ZFAND3: variants seen among roughly 807,000 people sequenced by gnomAD.
ZFAND3 encodes the protein zinc finger AN1-type containing 3.
ZFAND3 carries 10 observed loss-of-function variants against 29.6 expected under a neutral mutation model. The observed-to-expected ratio is 0.34, with a 90% CI of 0.21 to 0.57. The LOEUF (loss-of-function observed/expected upper bound fraction) is 0.57, where lower values mean the gene tolerates loss of function less well. Among genes scored for constraint, ZFAND3 ranks in the 20% least tolerant of loss-of-function variants. The pLI, the probability that ZFAND3 is intolerant of heterozygous loss-of-function variation, is 0.86. For synonymous variants in ZFAND3, 128 were observed against 112.6 expected (o/e 1.14, Z -0.87); for missense variants, 230 against 304.5 (o/e 0.76, Z 1.82).
intron 1 of ZFAND3, among the ~76,000 whole-genome samples, chr6:37,865,397 G>A (rs1316528180): frequency 6.6e-6 from 1 of 152,124 alleles, no homozygotes; most frequent in Non-Finnish European, 1.5e-5. Flanking sequence ...TCAATCTACA[G>A]TTGGTTGAAT....
intron 5 of ZFAND3, among the ~76,000 whole-genome samples, chr6:38,145,592 A>G (rs1360802299): frequency 6.6e-6 from 1 of 152,228 alleles, no homozygotes; most frequent in African/African-American, 2.4e-5. Flanking sequence ...TAAAAGCTAT[A>G]GGGTCATGTT....
intron 1 of ZFAND3, among the ~76,000 whole-genome samples, chr6:37,924,313 T>C (rs1398582512): frequency 2.4e-5 from 1 of 41,146 alleles, no homozygotes; most frequent in Non-Finnish European, 7.3e-5. Flanking sequence ...ACTTAAGTGC[T>C]TTTTTTTTTT....
rs1763628186 is a variant in ZFAND3, at chr6:37,819,921, CCGA to C, written c.-24_-22del. The C allele has an allele frequency of 2.5e-6, 3 of 1,206,460 alleles. No individual in the cohort carries two copies. Among genetic ancestry groups the C allele is most frequent in the Non-Finnish European group, 3.1e-6 (3 of 973,196 alleles). The allele number at this position is 1,206,460 out of a possible 1,614,324, so 74.7% of individuals were successfully genotyped here. ...CCAGCCGCCGCCACCGCTGCCGCCG[CCGA>C]GCTCCGCCGCCGCCGAGCACCATGG... On this transcript the variant is annotated 5_prime_UTR_variant, in exon 1 of 6. Coordinates refer to ENST00000287218, the MANE Select transcript of ZFAND3 (RefSeq NM_021943.3).
At chr6:37,995,864 C>T (rs1762840592) in intron 2 of ZFAND3, among the ~76,000 whole-genome samples, 1 of 152,086 alleles carries the variant, frequency 6.6e-6, no homozygotes, top group African/African-American at 2.4e-5. Context: ...CTGTGGCTCA[C>T]ACCTGTCATC....
At chr6:38,005,565 G>A (rs906871691) in intron 2 of ZFAND3, among the ~76,000 whole-genome samples, 3 of 152,136 alleles carry the variant, frequency 2.0e-5, no homozygotes, top group Non-Finnish European at 2.9e-5. Flanking sequence ...TTCCCTCTCT[G>A]TTTTGAGCAC....
intron 1 of ZFAND3, among the ~76,000 whole-genome samples, chr6:37,820,453 C>T (rs189753819): frequency 4.7e-4 from 71 of 152,316 alleles, no homozygotes; most frequent in Admixed American, 2.7e-3. Flanking sequence ...TCTTCACCTC[C>T]CCTCCTCCCC....
intron 2 of ZFAND3, among the ~76,000 whole-genome samples, chr6:38,052,661 T>C (rs1278433288): frequency 2.6e-5 from 4 of 152,150 alleles, no homozygotes; most frequent in Non-Finnish European, 5.9e-5. Context: ...GTAGTGCTTA[T>C]ATTAAGAGTT....
At chr6:38,102,147 ATCT>A (rs1050694751) in intron 4 of ZFAND3, among the ~76,000 whole-genome samples, 12 of 147,978 alleles carry the variant, frequency 8.1e-5, no homozygotes, top group South Asian at 4.3e-4. Context: ...CTCCTCCTTC[ATCT>A]TCTTCTTCTT....
chr6:38,056,550 G>A (rs1764137842), intron 2 of ZFAND3, among the ~76,000 whole-genome samples: 1 of 152,182 alleles, frequency 6.6e-6, no homozygotes, highest in African/African-American at 2.4e-5. Flanking sequence ...GCTAGATAGG[G>A]TGTAGTTCTA....
intron 1 of ZFAND3, among the ~76,000 whole-genome samples, chr6:37,910,168 C>CA (rs1765494115): frequency 6.6e-6 from 1 of 152,180 alleles, no homozygotes; most frequent in African/African-American, 2.4e-5. Context: ...TCCTGGGCTG[C>CA]AACCCTTATT....
intron 2 of ZFAND3, among the ~76,000 whole-genome samples, chr6:38,038,299 A>G (rs574333254): frequency 6.6e-6 from 1 of 152,176 alleles, no homozygotes; most frequent in African/African-American, 2.4e-5. Flanking sequence ...AAAGGCAGAG[A>G]TGATGGATGC....
At chr6:38,065,003 G>C (rs943511657) in intron 3 of ZFAND3, among the ~76,000 whole-genome samples, 10 of 152,136 alleles carry the variant, frequency 6.6e-5, no homozygotes, top group Non-Finnish European at 1.3e-4. Context: ...TGTTAAGTGA[G>C]GTTGCCAAGA....
chr6:37,863,334 C>T (rs1764528072), intron 1 of ZFAND3, among the ~76,000 whole-genome samples: 1 of 152,214 alleles, frequency 6.6e-6, no homozygotes, highest in African/African-American at 2.4e-5. Context: ...AATTGCCAGA[C>T]TGTCTCATTA....
At chr6:38,037,437 A>G (rs1763680409) in intron 2 of ZFAND3, among the ~76,000 whole-genome samples, 1 of 152,260 alleles carries the variant, frequency 6.6e-6, no homozygotes, top group Non-Finnish European at 1.5e-5. Flanking sequence ...TTTAACAAGC[A>G]TTATAATCAC....
intron 1 of ZFAND3, among the ~76,000 whole-genome samples, chr6:37,899,197 G>A (rs559446985): frequency 1.2e-3 from 180 of 152,274 alleles, no homozygotes; most frequent in Non-Finnish European, 2.1e-3. Flanking sequence ...ACCACACCTG[G>A]CCATTCGTTT....
At chr6:37,978,812 C>T (rs747213336) in intron 2 of ZFAND3, among the ~76,000 whole-genome samples, 41 of 152,166 alleles carry the variant, frequency 2.7e-4, no homozygotes, top group African/African-American at 6.5e-4. Flanking sequence ...TTACAGGCGC[C>T]GGCCACCACA....
At position 38,067,947 on chromosome 6, in the gene ZFAND3, G is replaced by A. The variant is rs149342332; in HGVS notation, c.295+6172G>A. ...GAATGGAAATGGAGGTGTTTGGGGGGTCATGGCTGGTCTGTCTCTTTCTAG... is the reference window on the plus strand; with the variant it reads ...GAATGGAAATGGAGGTGTTTGGGGGATCATGGCTGGTCTGTCTCTTTCTAG... On this transcript the variant is annotated intron_variant, in intron 3 of 5. Coordinates refer to ENST00000287218, the MANE Select transcript of ZFAND3 (RefSeq NM_021943.3). Among the ~76,000 whole-genome samples, 961 of 152,272 alleles carry A rather than the reference G, an allele frequency of 6.3e-3. 5 individuals carry two copies. Among genetic ancestry groups the A allele is most frequent in the Non-Finnish European group, 0.01 (705 of 68,016 alleles).
At chr6:37,864,677 G>GTGTATATA (rs201046244) in intron 1 of ZFAND3, among the ~76,000 whole-genome samples, 1 of 151,906 alleles carries the variant, frequency 6.6e-6, no homozygotes, top group Non-Finnish European at 1.5e-5. Context: ...GTGTATATGT[G>GTGTATATA]TGTATATATG....
intron 4 of ZFAND3, among the ~76,000 whole-genome samples, chr6:38,097,392 C>G (rs1317915430): frequency 1.3e-5 from 2 of 151,994 alleles, no homozygotes; most frequent in Non-Finnish European, 2.9e-5. Context: ...CAGCCTAGGA[C>G]TGTTTTCTAC....
Sources: allele counts gnomAD v4.1 joint callset (sites outside exome capture counted in the v4.1 genomes callset), GRCh38; gene constraint gnomAD v4.1.1; transcripts MANE v1.5; gene names NCBI Gene and HGNC (gene_info 2026-07-23, HGNC 2026-07-21).